The following TRPC6 variants were observed in gnomAD, a reference collection of about 807,000 sequenced individuals.
TRPC6 encodes the protein transient receptor potential cation channel subfamily C member 6.
In TRPC6, 55 loss-of-function variants were observed where a neutral mutation model predicts 90.7. The observed-to-expected ratio is 0.61, with a 90% CI of 0.49 to 0.76. The LOEUF is 0.76. Ranked by LOEUF, TRPC6 falls within the 30% of genes least tolerant of loss-of-function variation. TRPC6 has a pLI of 0.00. For synonymous variants in TRPC6, 393 were observed against 393.0 expected (o/e 1.00, Z 0.00); for missense variants, 989 against 1,122.7 (o/e 0.88, Z 1.70).
intron 1 of TRPC6, chr11:101,519,786 G>C (rs113276686): frequency 1.3e-5 from 2 of 153,818 alleles, no homozygotes; most frequent in African/African-American, 4.8e-5. Context: ...ATCTAGATTC[G>C]ATGACCTGAA....
At chr11:101,475,306 T>TTA (rs1212971345) in intron 6 of TRPC6, among the ~76,000 whole-genome samples, 1 of 152,164 alleles carries the variant, frequency 6.6e-6, no homozygotes, top group African/African-American at 2.4e-5. Context: ...GTGAACTTTA[T>TTA]TATATATATC....
intron 2 of TRPC6, among the ~76,000 whole-genome samples, chr11:101,494,788 C>T (rs1207321928): frequency 6.6e-6 from 1 of 152,112 alleles, no homozygotes; most frequent in Non-Finnish European, 1.5e-5. Context: ...TCCAATTCAT[C>T]ACTAATTCCT....
At chr11:101,510,566 G>A (rs1478404607) in intron 1 of TRPC6, among the ~76,000 whole-genome samples, 1 of 152,134 alleles carries the variant, frequency 6.6e-6, no homozygotes, top group Non-Finnish European at 1.5e-5. Context: ...TTTCATGTCT[G>A]TATTTTTACA....
intron 10 of TRPC6, among the ~76,000 whole-genome samples, chr11:101,457,672 C>G (rs1309822335): frequency 1.3e-5 from 2 of 152,160 alleles, no homozygotes; most frequent in East Asian, 3.9e-4. Flanking sequence ...GGTTCAAATT[C>G]AGGCTCTGTC....
chr11:101,577,609 A>C (rs565194346), intron 1 of TRPC6, among the ~76,000 whole-genome samples: 15 of 152,270 alleles, frequency 9.9e-5, no homozygotes, highest in African/African-American at 3.6e-4. Flanking sequence ...GCTAGGACAA[A>C]GGACTAGATT....
At chr11:101,522,308 C>A (rs1425403781) in intron 1 of TRPC6, among the ~76,000 whole-genome samples, 1 of 152,110 alleles carries the variant, frequency 6.6e-6, no homozygotes, top group Non-Finnish European at 1.5e-5. Flanking sequence ...ATATCACCTC[C>A]CCCTTCACTC....
intron 10 of TRPC6, among the ~76,000 whole-genome samples, chr11:101,462,904 G>C (rs544219765): frequency 1.7e-4 from 26 of 152,086 alleles, no homozygotes; most frequent in Non-Finnish European, 1.5e-4. Context: ...AAAGGGAATG[G>C]TTCCAGTTTT....
At chr11:101,476,841 A>AC (rs1367117010) in intron 5 of TRPC6, among the ~76,000 whole-genome samples, 4 of 152,162 alleles carry the variant, frequency 2.6e-5, no homozygotes, top group Admixed American at 1.3e-4. Context: ...CTTTATAATA[A>AC]CCCAAACACA....
At chr11:101,515,257 C>A (rs1359970950) in intron 1 of TRPC6, among the ~76,000 whole-genome samples, 7 of 152,168 alleles carry the variant, frequency 4.6e-5, no homozygotes, top group African/African-American at 1.2e-4. Flanking sequence ...ACATCTGCAC[C>A]ATGTGTCCAA....
intron 3 of TRPC6, among the ~76,000 whole-genome samples, chr11:101,489,974 T>C (rs1422048457): frequency 1.3e-5 from 2 of 152,148 alleles, no homozygotes; most frequent in Non-Finnish European, 1.5e-5. Flanking sequence ...ATAAGCCCTG[T>C]CACACACTGT....
chr11:101,485,882 A>G (rs1057129014), intron 4 of TRPC6, among the ~76,000 whole-genome samples: 9 of 152,128 alleles, frequency 5.9e-5, no homozygotes, highest in African/African-American at 9.7e-5. Context: ...ACAACTCTAA[A>G]GTCAATCTTC....
intron 1 of TRPC6, among the ~76,000 whole-genome samples, chr11:101,574,769 G>A (rs1455246237): frequency 6.6e-6 from 1 of 152,098 alleles, no homozygotes; most frequent in Non-Finnish European, 1.5e-5. Flanking sequence ...ATTTTTATCT[G>A]TAACAGTTTA....
intron 1 of TRPC6, among the ~76,000 whole-genome samples, chr11:101,578,283 A>G (rs1409227539): frequency 6.6e-6 from 1 of 151,394 alleles, no homozygotes; most frequent in Non-Finnish European, 1.5e-5. Flanking sequence ...TATGATGCAT[A>G]GGCCTGAGTC....
intron 8 of TRPC6, 21 bp downstream of exon 8, chr11:101,472,115 TA>T: frequency 6.2e-7 from 1 of 1,608,448 alleles, no homozygotes; most frequent in Non-Finnish European, 8.5e-7. Flanking sequence ...GCACAAATTA[TA>T]AAAATGTATT....
chr11:101,533,488 C>T (rs971042887), intron 1 of TRPC6, among the ~76,000 whole-genome samples: 1 of 152,176 alleles, frequency 6.6e-6, no homozygotes, highest in African/African-American at 2.4e-5. Context: ...ATGACCCAAA[C>T]ACCTCCTGCC....
intron 1 of TRPC6, among the ~76,000 whole-genome samples, chr11:101,580,436 T>G (rs1862169478): frequency 6.6e-6 from 1 of 152,234 alleles, no homozygotes; most frequent in African/African-American, 2.4e-5. Context: ...CATTTTCTTC[T>G]GAACACCATT....
At chr11:101,542,457 G>A (rs997885387) in intron 1 of TRPC6, among the ~76,000 whole-genome samples, 2 of 152,090 alleles carry the variant, frequency 1.3e-5, no homozygotes, top group Non-Finnish European at 2.9e-5. Context: ...GCTGATTTCA[G>A]CTAGCTGATA....
chr11:101,511,132 G>A (rs978237578), intron 1 of TRPC6, among the ~76,000 whole-genome samples: 1 of 152,138 alleles, frequency 6.6e-6, no homozygotes, highest in African/African-American at 2.4e-5. Flanking sequence ...ATTAGACTCA[G>A]ATATTTAGAG....
intron 6 of TRPC6, among the ~76,000 whole-genome samples, chr11:101,475,999 A>C (rs1355455215): frequency 6.6e-6 from 1 of 151,814 alleles, no homozygotes; most frequent in African/African-American, 2.4e-5. Flanking sequence ...ATTAAAAAAG[A>C]GGGAAAAATA....
Sources: allele counts gnomAD v4.1 joint callset (sites outside exome capture counted in the v4.1 genomes callset), GRCh38; gene constraint gnomAD v4.1.1; transcripts MANE v1.5; gene names NCBI Gene and HGNC (gene_info 2026-07-23, HGNC 2026-07-21).